GPR179: variants seen among roughly 807,000 people sequenced by gnomAD.
The protein encoded by GPR179 is probable G protein-coupled receptor 179.
In GPR179, 52 loss-of-function variants were observed where a neutral mutation model predicts 70.8. That is an observed-to-expected ratio of 0.73 (90% CI 0.59 to 0.93). The LOEUF is 0.93. GPR179 is among the 40% of genes least tolerant of loss of function. The probability of loss-of-function intolerance (pLI) is 0.00; values close to 1 mark genes in which losing one functional copy is unlikely to be tolerated. For synonymous variants in GPR179, 1,123 were observed against 1,169.0 expected (o/e 0.96, Z 0.80); for missense variants, 2,734 against 2,966.8 (o/e 0.92, Z 1.82).
rs770960083 is a variant in GPR179 at position 38,343,326 on chromosome 17, G to A, written c.464C>T (p.Pro155Leu). The change falls in exon 1 of 11, where the codon CCA becomes CTA. Residue 155 changes from proline (P) to leucine (L), a missense_variant. Coordinates refer to ENST00000616987, the MANE Select transcript of GPR179 (RefSeq NM_001004334.4). The surrounding 1 kb of genome is among the most constrained non-coding windows in gnomAD (Gnocchi z 4.2). ...GGCCAGCTGTAGGTGGCTGGCCCCT[G>A]GTGGAGGGTTAAAGGTCAGCAAAGC... is the stretch of plus-strand genomic sequence containing the variant. ...YRALLTFNPP[P>L]GASHLQLALQ... 1.2e-6 allele frequency: 2 copies of A among 1,614,164 alleles called. No homozygotes were observed. Among genetic ancestry groups the A allele is most frequent in the Non-Finnish European group, 1.7e-6 (2 of 1,180,002 alleles).
Position 38,335,591 on chromosome 17 carries a change from C to A in GPR179, c.1406G>T (p.Arg469Ile). 2 of 1,606,526 alleles carry A rather than the reference C, an allele frequency of 1.2e-6. No homozygotes were observed. The highest frequency in any genetic ancestry group is 2.2e-5 in the East Asian group (1 of 44,848). The change falls in exon 6 of 11, where the codon AGA becomes ATA. Residue 469 changes from arginine to isoleucine, a missense_variant and splice_region_variant. Arg to Ile is a moderately conservative substitution (Grantham distance 97). Transcript: ENST00000616987. ...VYGTIILKLY[R>I]VLQLFLSRTA... ...GAGCAAAGTCTGCCCCAGGCCGTAC[C>A]TGTAAAGCTTGAGTATGATGGTGCC...
Position 38,330,137 on chromosome 17 carries a change from A to T in GPR179, c.3432T>A (p.Leu1144=). 6.3e-7 allele frequency: 1 copy of T among 1,598,832 alleles called. No individual in the cohort carries two copies. Among genetic ancestry groups the T allele is most frequent in the Non-Finnish European group, 8.5e-7 (1 of 1,171,674 alleles). The change falls in exon 11 of 11, where the codon CTT becomes CTA. Residue 1144 remains leucine, a synonymous_variant. Transcript: ENST00000616987. ...GGGACTCCTTGTCATCGGAGGGGAT[A>T]AGAGCGGCCTGCTTACTCACCGCCT... ...RPKAVSKQAA[L]IPSDDKESLQ...
rs1322383005 is a variant in GPR179 at position 38,328,470 on chromosome 17, C to T, written c.5099G>A (p.Gly1700Glu). 1.2e-6 allele frequency: 2 copies of T among 1,611,154 alleles called. No individual in the cohort carries two copies. Among genetic ancestry groups the T allele is most frequent in the East Asian group, 2.2e-5 (1 of 44,700 alleles). ...CTCCCAGGGACAGATTTCTGCCTTC[C>T]CAGCAGTCAAGTTTTCCTCCACATC... ...PLDVEENLTA[G>E]KAEICPWEVG... Residue 1700 changes from glycine (G) to glutamate (E), a missense_variant, in exon 11 of 11, where the codon GGG becomes GAG. Physicochemically the swap from Gly to Glu is moderately conservative, Grantham distance 98. Coordinates refer to ENST00000616987, the MANE Select transcript of GPR179 (RefSeq NM_001004334.4).
In GPR179 at chr17:38,327,166, C is replaced by T. The variant is rs1454736946; in HGVS notation, c.6403G>A (p.Ala2135Thr). ...CCTTCCTCTGCTGCTCCTCCACCCG[C>T]CTCCCAAGGGCAGATCTCTGCTTTC... Reference protein sequence around the residue: ...AKKAEICPWEAGGGAAEEGEQ... With the variant: ...AKKAEICPWETGGGAAEEGEQ... The change falls in exon 11 of 11, where the codon GCG becomes ACG. Residue 2135 changes from alanine (A) to threonine (T), a missense_variant. Ala to Thr is a moderately conservative substitution (Grantham distance 58, BLOSUM62 0). Coordinates refer to ENST00000616987, the MANE Select transcript of GPR179 (RefSeq NM_001004334.4). 1.2e-6 allele frequency: 2 copies of T among 1,614,282 alleles called. No individual in the cohort carries two copies.
chr17:38,328,799 T>C lies in GPR179; in HGVS notation c.4770A>G (p.Thr1590=), dbSNP rs1170507096. The C allele has an allele frequency of 4.3e-6, 7 of 1,614,082 alleles. No individual in the cohort carries two copies. In the African/African-American group the frequency reaches 8.0e-5, roughly 18 times the overall value. Residue 1590 remains threonine (T), a synonymous_variant, in exon 11 of 11, where the codon ACA becomes ACG. Transcript: ENST00000616987. ...CATTTACCTCCCAGGGACAGATTTC[T>C]GTTTTGGCAGGTGTTGCTTCCTGTG... is the stretch of plus-strand genomic sequence containing the variant. ...PEAQEATPAK[T]EICPWEVNER...
chr17:38,343,382 G>A lies in GPR179; in HGVS notation c.408C>T (p.Ser136=), dbSNP rs756628119. 19 of 1,614,040 alleles carry A rather than the reference G, an allele frequency of 1.2e-5. No homozygotes were observed. The highest frequency in any genetic ancestry group is 1.7e-5 in the Admixed American group (1 of 60,008). The change falls in exon 1 of 11, where the codon AGC becomes AGT. Residue 136 remains serine (S), a synonymous_variant. Transcript: ENST00000616987. This position sits in a 1 kb window ranked among gnomAD's most constrained non-coding sequence, Gnocchi z 4.2. The stretch of plus-strand genomic sequence containing the variant: ...ACACTCTTGGGTCCCCCTCGGCCAC[G>A]CTGCGGACCAGTGCCTGGTACCATT... The part of the protein sequence containing the change: ...DVEWYQALVR[S]VAEGDPRVYR...
intron 1 of GPR179, among the ~76,000 whole-genome samples, chr17:38,340,132 C>T (rs1006210813): frequency 7.2e-5 from 11 of 152,052 alleles, no homozygotes; most frequent in Admixed American, 5.9e-4. Flanking sequence ...TTCCCTGAGT[C>T]TATTCTTTCT....
At chr17:38,341,662 C>A (rs1259201116) in intron 1 of GPR179, among the ~76,000 whole-genome samples, 1 of 151,148 alleles carries the variant, frequency 6.6e-6, no homozygotes, top group South Asian at 2.1e-4. Context: ...ACCCTCAATC[C>A]TTCTTTCCTG....
At position 38,343,749 on chromosome 17, in the gene GPR179, C is replaced by A; in HGVS notation, c.41G>T (p.Gly14Val). The A allele has an allele frequency of 6.5e-6, 10 of 1,543,504 alleles. No individual in the cohort carries two copies. Among genetic ancestry groups the A allele is most frequent in the Non-Finnish European group, 8.7e-6 (10 of 1,144,724 alleles). Residue 14 changes from glycine to valine, a missense_variant, in exon 1 of 11, where the codon GGG (glycine) becomes GTG (valine). Transcript: ENST00000616987. The surrounding 1 kb of genome is among the most constrained non-coding windows in gnomAD (Gnocchi z 4.2). ...RGAVMPPPMW[G>V]LLGCCFVCAW... ...ACAGACAAAACAGCAGCCCAGCAGC[C>A]CCCACATAGGAGGGGGCATGACCGC...
intron 1 of GPR179, among the ~76,000 whole-genome samples, chr17:38,341,823 A>G (rs926063664): frequency 3.3e-5 from 5 of 152,128 alleles, no homozygotes; most frequent in African/African-American, 1.2e-4. Flanking sequence ...AGCCCCCTCA[A>G]GAGTTTTCCT....
At chr17:38,336,748 G>T (rs1057075125) in intron 4 of GPR179, among the ~76,000 whole-genome samples, 2 of 152,348 alleles carry the variant, frequency 1.3e-5, no homozygotes, top group East Asian at 1.9e-4. Flanking sequence ...GCAGTGTTTT[G>T]CTTAGAGTAG....
In GPR179 at chr17:38,331,387, C is replaced by T. The variant is rs747029896; in HGVS notation, c.2182G>A (p.Glu728Lys). 1.4e-5 allele frequency: 22 copies of T among 1,613,840 alleles called. No individual in the cohort carries two copies. Among genetic ancestry groups the T allele is most frequent in the Admixed American group, 5.0e-5 (3 of 59,996 alleles). ...SFMRYLAEFP[E>K]ALARQHSRDS... ...CGGGAGTGCTGCCTGGCCAGGGCCT[C>T]GGGGAATTCCGCCAGGTACCTCATG... Residue 728 changes from glutamate (E) to lysine (K), a missense_variant, in exon 11 of 11, where the codon GAG becomes AAG. Physicochemically the swap from Glu to Lys is moderately conservative, Grantham distance 56 (BLOSUM62 1). Coordinates refer to ENST00000616987, the MANE Select transcript of GPR179 (RefSeq NM_001004334.4).
At position 38,328,284 on chromosome 17, in the gene GPR179, C is replaced by A. The variant is rs1175508523; in HGVS notation, c.5285G>T (p.Cys1762Phe). The change falls in exon 11 of 11, where the codon TGT (cysteine) becomes TTT (phenylalanine). Residue 1762 changes from cysteine (C) to phenylalanine (F), a missense_variant. By Grantham distance (205) the Cys-to-Phe change is radical. Coordinates refer to ENST00000616987, the MANE Select transcript of GPR179 (RefSeq NM_001004334.4). ...CCCTGGACCCACACTCCCCCAGGGACAAGCCACCTCCCACTCTGGGGTTGG... is the reference window on the plus strand; with the variant it reads ...CCCTGGACCCACACTCCCCCAGGGAAAAGCCACCTCCCACTCTGGGGTTGG... ...QKPTPEWEVA[C>F]PWGSVGPGAC... The A allele has an allele frequency of 6.2e-7, 1 of 1,614,032 alleles. No individual in the cohort carries two copies. The highest frequency in any genetic ancestry group is 8.5e-7 in the Non-Finnish European group (1 of 1,180,044).
chr17:38,341,742 C>A (rs573050880), intron 1 of GPR179, among the ~76,000 whole-genome samples: 6 of 152,144 alleles, frequency 3.9e-5, no homozygotes, highest in Non-Finnish European at 8.8e-5. Context: ...CAGGATAGTG[C>A]GGCCTGCTTG....
Position 38,335,204 on chromosome 17 carries a change from G to A in GPR179, c.1474C>T (p.Arg492Trp), listed in dbSNP as rs1051192998. The change falls in exon 7 of 11, where the codon CGG (arginine) becomes TGG (tryptophan). Residue 492 changes from arginine to tryptophan, a missense_variant. Physicochemically the swap from Arg to Trp is moderately radical, Grantham distance 101. Coordinates refer to ENST00000616987, the MANE Select transcript of GPR179 (RefSeq NM_001004334.4). ...GGTAGCAGGAGCAGCCCCAGGTGCC[G>A]CAGCAGCCGCCCGCTGCTCAGAAGG... The part of the protein sequence containing the change: ...SALLSSGRLL[R>W]HLGLLLLPVL... 8.4e-6 allele frequency: 13 copies of A among 1,556,842 alleles called. No individual in the cohort carries two copies. Among genetic ancestry groups the A allele is most frequent in the African/African-American group, 1.4e-5 (1 of 73,384 alleles).
intron 3 of GPR179, 148 bp downstream of exon 3, chr17:38,337,485 T>G (rs2037415476): frequency 1.4e-6 from 1 of 723,270 alleles, no homozygotes; most frequent in East Asian, 2.7e-5. Flanking sequence ...GCAACCTGCT[T>G]GCCTCTCCTG....
rs751499291 is a variant in GPR179 at position 38,330,100 on chromosome 17, G to A, written c.3469C>T (p.Gln1157Ter). The change falls in exon 11 of 11, where the codon CAG (glutamine) becomes TAG (stop). Residue 1157 changes from glutamine (Q) to a stop codon, truncating the protein, a stop_gained. Coordinates refer to ENST00000616987, the MANE Select transcript of GPR179 (RefSeq NM_001004334.4). LOFTEE classifies it low-confidence loss of function (END_TRUNC). ...AGCATCCTGCTGGTGTGAGCGTTCT[G>A]TTGGTTCTGGAGGGACTCCTTGTCA... Reference protein sequence around the residue: ...SDDKESLQNQQNAHTSRMLQV... With the variant: ...SDDKESLQNQ The A allele has an allele frequency of 2.1e-5, 34 of 1,613,084 alleles. No homozygotes were observed. Among genetic ancestry groups the A allele is most frequent in the Non-Finnish European group, 2.4e-5 (28 of 1,179,546 alleles).
At position 38,330,620 on chromosome 17, in the gene GPR179, T is replaced by C; in HGVS notation, c.2949A>G (p.Pro983=). ...TGTAGGTGAGTAAGTTGGGGCTTTG[T>C]GGGGATACTGGGACTGGTGCCAGGG... The part of the protein sequence containing the change: ...APALAPVPVS[P]QSPNLLTYIC... The change falls in exon 11 of 11, where the codon CCA becomes CCG. Residue 983 remains proline, a synonymous_variant. Coordinates refer to ENST00000616987, the MANE Select transcript of GPR179 (RefSeq NM_001004334.4). 1 of 1,579,792 alleles carries C rather than the reference T, an allele frequency of 6.3e-7. No individual in the cohort carries two copies. Among genetic ancestry groups the C allele is most frequent in the Non-Finnish European group, 8.6e-7 (1 of 1,163,680 alleles).
At position 38,336,216 on chromosome 17, in the gene GPR179, AC is replaced by A. The variant is rs1299044938; in HGVS notation, c.1228-73del. On this transcript the variant is annotated intron_variant, in intron 4 of 10. Coordinates refer to ENST00000616987, the MANE Select transcript of GPR179 (RefSeq NM_001004334.4). ...TCTAGAGGCTCTCAGGCCTATGTGA[AC>A]GGTCACTCAGTGACCCTGAGCTAAG... 5 of 1,042,136 alleles carry A rather than the reference AC, an allele frequency of 4.8e-6. No individual in the cohort carries two copies. In the African/African-American group the frequency reaches 6.3e-5, roughly 13 times the overall value. The allele number at this position is 1,042,136 out of a possible 1,614,324, so 64.6% of individuals were successfully genotyped here.
Sources: allele counts gnomAD v4.1 joint callset (sites outside exome capture counted in the v4.1 genomes callset), GRCh38; gene constraint gnomAD v4.1.1; non-coding constraint Gnocchi (gnomAD v3.1); transcripts MANE v1.5; gene names NCBI Gene and HGNC (gene_info 2026-07-23, HGNC 2026-07-21).